The following TNS3 variants were observed in gnomAD, a reference collection of about 807,000 sequenced individuals.
The protein encoded by TNS3 is tensin 3.
A neutral mutation model predicts 140.9 loss-of-function variants in TNS3; 45 were observed. The ratio of observed to expected loss-of-function variants is 0.32; its 90% CI spans 0.25 to 0.41. The LOEUF is 0.41. Among genes scored for constraint, TNS3 ranks in the 10% least tolerant of loss-of-function variants. The pLI is 1.00. For missense variants in TNS3, 1,716 were observed against 1,906.7 expected (o/e 0.90, Z 1.86); for synonymous variants, 815 against 788.4 (o/e 1.03, Z -0.56).
At chr7:47,555,849 A>G (rs1800180857) in intron 1 of TNS3, among the ~76,000 whole-genome samples, 1 of 152,270 alleles carries the variant, frequency 6.6e-6, no homozygotes, top group Non-Finnish European at 1.5e-5. Flanking sequence ...TGGGAAACTA[A>G]AAGATGTGTG....
At position 47,539,388 on chromosome 7, in the gene TNS3, A is replaced by G. The variant is rs183674223; in HGVS notation, c.-264-10241T>C. 1.5e-5 allele frequency: 5 copies of G among 330,578 alleles called. No homozygotes were observed. The East Asian group carries it at 3.9e-4, about 26-fold the overall frequency. The allele number at this position is 330,578 out of a possible 1,614,324, so 20.5% of individuals were successfully genotyped here. ...GTGCGTGTGATAAACCTCCCCAGTG[A>G]GGACAACAAACTGATTTTTCACTGG... On this transcript the variant is annotated intron_variant, in intron 1 of 30. Transcript: ENST00000311160.
rs116494388 is a variant in TNS3 at position 47,415,939 on chromosome 7, C to T, written c.474-733G>A. Among the ~76,000 whole-genome samples, 1,217 of 152,306 alleles carry T rather than the reference C, an allele frequency of 8.0e-3. 16 individuals carry two copies. Among genetic ancestry groups the T allele is most frequent in the African/African-American group, 0.028 (1,167 of 41,560 alleles). On this transcript the variant is annotated intron_variant, in intron 10 of 30. Coordinates refer to ENST00000311160, the MANE Select transcript of TNS3 (RefSeq NM_022748.12). ...CTGCTGGGGTCCTCATGAGGCATGA[C>T]GTGGCAGCAGTGACCACAGGATGAG...
intron 1 of TNS3, among the ~76,000 whole-genome samples, chr7:47,556,019 ATG>A (rs1800186347): frequency 2.0e-5 from 3 of 152,340 alleles, no homozygotes; most frequent in African/African-American, 7.2e-5. Context: ...CACGGTATAC[ATG>A]TGTGTGTTCA....
chr7:47,358,768 C>T (rs1459335554), intron 17 of TNS3, among the ~76,000 whole-genome samples: 1 of 152,198 alleles, frequency 6.6e-6, no homozygotes, highest in Non-Finnish European at 1.5e-5. Context: ...GTCCCTGAGA[C>T]TGTGGATTTG....
At chr7:47,439,122 A>C (rs1584662267) in intron 6 of TNS3, among the ~76,000 whole-genome samples, 1 of 152,300 alleles carries the variant, frequency 6.6e-6, no homozygotes, top group African/African-American at 2.4e-5. Context: ...TTTCTGGCTC[A>C]GGAGGAGAGT....
chr7:47,275,713 G>A lies in TNS3; in HGVS notation c.*2363C>T. 2.3e-6 allele frequency: 1 copy of A among 434,890 alleles called. No individual in the cohort carries two copies. The highest frequency in any genetic ancestry group is 4.6e-6 in the Non-Finnish European group (1 of 215,438). The allele number at this position is 434,890 out of a possible 1,614,324, so 26.9% of individuals were successfully genotyped here. A position where few individuals can be genotyped will look rare whatever the true frequency, so the allele number is the denominator to read the frequency against. ...AAATCGTGGAAACTTGCTTCCTTTG[G>A]TTCCTCAGAGGGAGCTATCTGCTTG... On this transcript the variant is annotated 3_prime_UTR_variant, in exon 31 of 31. Coordinates refer to ENST00000311160, the MANE Select transcript of TNS3 (RefSeq NM_022748.12).
intron 4 of TNS3, among the ~76,000 whole-genome samples, chr7:47,459,410 T>C (rs1417685012): frequency 1.3e-5 from 2 of 152,166 alleles, no homozygotes; most frequent in Non-Finnish European, 2.9e-5. Context: ...AGAAACTATC[T>C]TGTCAAAGGT....
intron 4 of TNS3, among the ~76,000 whole-genome samples, chr7:47,477,645 C>T (rs189924303): frequency 6.5e-4 from 99 of 152,336 alleles, no homozygotes; most frequent in African/African-American, 2.3e-3. Context: ...ATCAGGTGAC[C>T]TGGCCAGGTG....
In TNS3 at chr7:47,581,238, C is replaced by T. The variant is rs1390803272; in HGVS notation, c.-265+813G>A. On this transcript the variant is annotated intron_variant, in intron 1 of 30. Coordinates refer to ENST00000311160, the MANE Select transcript of TNS3 (RefSeq NM_022748.12). Reference sequence around the variant, plus strand: ...AGACCCCTGGGCCGTCCGGGACCCTCCCTCCTCCTGCTTGTCAGCGACAGC... The same window carrying T: ...AGACCCCTGGGCCGTCCGGGACCCTTCCTCCTCCTGCTTGTCAGCGACAGC... 3.3e-5 allele frequency among the ~76,000 whole-genome samples: 5 copies of T among 152,086 alleles called. No individual in the cohort carries two copies. In the South Asian group the frequency reaches 8.3e-4, roughly 25 times the overall value.
At chr7:47,413,251 C>CTTTTTTT (rs71003398) in intron 12 of TNS3, among the ~76,000 whole-genome samples, 5 of 52,950 alleles carry the variant, frequency 9.4e-5, no homozygotes, top group African/African-American at 1.5e-4. Context: ...CAAGCCTGGC[C>CTTTTTTT]TTTTTTTTTT....
chr7:47,371,953 G>C (rs968457885), intron 16 of TNS3, among the ~76,000 whole-genome samples: 2 of 152,250 alleles, frequency 1.3e-5, no homozygotes, highest in Non-Finnish European at 2.9e-5. Flanking sequence ...AGGTTGACCT[G>C]AGAATTAAAT....
intron 3 of TNS3, among the ~76,000 whole-genome samples, chr7:47,493,827 CA>C (rs773516399): frequency 5.0e-3 from 568 of 114,192 alleles, no homozygotes; most frequent in Admixed American, 6.8e-3. Flanking sequence ...GACTCCGTCT[CA>C]AAAAAAAAAA....
chr7:47,448,575 G>A (rs1356081671), intron 4 of TNS3, among the ~76,000 whole-genome samples: 1 of 150,564 alleles, frequency 6.6e-6, no homozygotes, highest in Non-Finnish European at 1.5e-5. Context: ...TGCCTCCTGG[G>A]TTCAAGCGAT....
chr7:47,396,949 C>CA lies in TNS3; in HGVS notation c.920-46dup, dbSNP rs772899831. 2.5e-5 allele frequency: 35 copies of CA among 1,405,244 alleles called. No individual in the cohort carries two copies. The South Asian group carries it at 3.9e-4, about 16-fold the overall frequency. The allele number at this position is 1,405,244 out of a possible 1,614,324, so 87.0% of individuals were successfully genotyped here. ...CAACATTAGTCCCAGTGAAACCCAT[C>CA]ACCTCCATCCAACCGACTCCACCAT... On this transcript the variant is annotated intron_variant, in intron 15 of 30. Coordinates refer to ENST00000311160, the MANE Select transcript of TNS3 (RefSeq NM_022748.12).
chr7:47,576,219 G>A (rs1385729341), intron 1 of TNS3, among the ~76,000 whole-genome samples: 1 of 152,190 alleles, frequency 6.6e-6, no homozygotes, highest in Non-Finnish European at 1.5e-5. Context: ...ACCACAAGGT[G>A]CTTTTCAGGC....
intron 4 of TNS3, among the ~76,000 whole-genome samples, chr7:47,472,294 T>C (rs1417172326): frequency 6.6e-6 from 1 of 152,212 alleles, no homozygotes; most frequent in Admixed American, 6.5e-5. Flanking sequence ...CAACCCCCTG[T>C]ACCTCCCCTA....
chr7:47,386,946 A>C (rs1400983029), intron 16 of TNS3, among the ~76,000 whole-genome samples: 1 of 152,224 alleles, frequency 6.6e-6, no homozygotes, highest in Non-Finnish European at 1.5e-5. Flanking sequence ...TCTGACACCT[A>C]TGCCTTCTAC....
At chr7:47,482,317 T>C (rs1217612506) in intron 3 of TNS3, among the ~76,000 whole-genome samples, 1 of 152,190 alleles carries the variant, frequency 6.6e-6, no homozygotes, top group Non-Finnish European at 1.5e-5. Context: ...AGTCCAGTCC[T>C]CAGGGAGTAT....
At chr7:47,538,144 G>A (rs1184414495) in intron 1 of TNS3, among the ~76,000 whole-genome samples, 1 of 152,132 alleles carries the variant, frequency 6.6e-6, no homozygotes, top group Non-Finnish European at 1.5e-5. Context: ...CTGAAGAAAG[G>A]GTCACTTAGA....
Sources: allele counts gnomAD v4.1 joint callset (sites outside exome capture counted in the v4.1 genomes callset), GRCh38; gene constraint gnomAD v4.1.1; transcripts MANE v1.5; gene names NCBI Gene and HGNC (gene_info 2026-07-23, HGNC 2026-07-21).